The following COL22A1 variants were observed in gnomAD, a reference collection of about 807,000 sequenced individuals.
COL22A1 encodes collagen alpha-1(XXII) chain.
Under a neutral mutation model 248.9 loss-of-function variants are expected in COL22A1, and 221 were observed. That is an observed-to-expected ratio of 0.89 (90% CI 0.80 to 0.99). The LOEUF is 0.99. Among genes scored for constraint, COL22A1 ranks in the 50% least tolerant of loss-of-function variants. The pLI, the probability that COL22A1 is intolerant of heterozygous loss-of-function variation, is 0.00. For missense variants in COL22A1, 2,240 were observed against 2,179.0 expected, an observed-to-expected ratio of 1.03 and a Z score of -0.56; for synonymous variants, 891 against 793.4, an observed-to-expected ratio of 1.12 and a Z score of -2.07.
At chr8:138,817,591 C>T (rs1431837599) in intron 7 of COL22A1, among the ~76,000 whole-genome samples, 5 of 152,102 alleles carry the variant, frequency 3.3e-5, no homozygotes, top group Non-Finnish European at 5.9e-5. Flanking sequence ...GGGATGTGTC[C>T]AGAAGGAAAC....
At chr8:138,700,760 G>T (rs1028758312) in intron 31 of COL22A1, among the ~76,000 whole-genome samples, 1 of 152,096 alleles carries the variant, frequency 6.6e-6, no homozygotes, top group South Asian at 2.1e-4. Context: ...CAAGGCGGGC[G>T]GATCACGAGG....
intron 12 of COL22A1, among the ~76,000 whole-genome samples, chr8:138,792,473 G>A (rs1816148868): frequency 6.6e-6 from 1 of 152,210 alleles, no homozygotes; most frequent in Non-Finnish European, 1.5e-5. Flanking sequence ...TCCTTTCATG[G>A]TAGCAACATG....
rs546066532 is a variant in COL22A1 at position 138,744,040 on chromosome 8, G to C, written c.2086-6463C>G. ...AAACATGATTATTTTCTACTGGTTAGAGCTGAAACCAGGTGCGCAGGGAAA... is the reference window on the plus strand; with the variant it reads ...AAACATGATTATTTTCTACTGGTTACAGCTGAAACCAGGTGCGCAGGGAAA... On this transcript the variant is annotated intron_variant, in intron 22 of 64. Coordinates refer to ENST00000303045, the MANE Select transcript of COL22A1 (RefSeq NM_152888.3). Among the ~76,000 whole-genome samples, 5 of 152,288 alleles carry C rather than the reference G, an allele frequency of 3.3e-5. No individual in the cohort carries two copies. The East Asian group carries it at 7.7e-4, about 24-fold the overall frequency.
At position 138,901,371 on chromosome 8, in the gene COL22A1, T is replaced by TTTTG. The variant is rs1440297593; in HGVS notation, c.-73+12247_-73+12248insCAAA. On this transcript the variant is annotated intron_variant, in intron 1 of 64. Transcript: ENST00000303045. ...CATTACTGGCAGGTTTTTTTTTTGT[T>TTTTG]TTTTTTTTTTTTTGAGACAGTCTCT... 1.5e-3 allele frequency among the ~76,000 whole-genome samples: 203 copies of TTTTG among 135,374 alleles called. 1 individual carries two copies. The highest frequency in any genetic ancestry group is 2.7e-3 in the Non-Finnish European group (167 of 61,448). 88.8% of individuals were successfully genotyped at this position (135,374 alleles called of 152,430 possible). A position where few individuals can be genotyped will look rare whatever the true frequency, so the allele number is the denominator to read the frequency against.
In COL22A1 at chr8:138,589,399, C is replaced by A. The variant is rs759165504; in HGVS notation, c.4735G>T (p.Gly1579Trp). ...EPGYAKDGLPGIPGPQGETGP... is the reference protein window; with the variant it reads ...EPGYAKDGLPWIPGPQGETGP... ...GTCTCCCCTTGAGGGCCAGGGATCC[C>A]AGGAAGTCCATCTTTAGCATAGCCA... Residue 1579 changes from glycine to tryptophan, a missense_variant, in exon 65 of 65, where the codon GGG becomes TGG. Coordinates refer to ENST00000303045, the MANE Select transcript of COL22A1 (RefSeq NM_152888.3). The A allele has an allele frequency of 1.9e-6, 3 of 1,592,516 alleles. No homozygotes were observed. The highest frequency in any genetic ancestry group is 2.6e-6 in the Non-Finnish European group (3 of 1,170,108).
chr8:138,653,656 C>T (rs1485922907), intron 45 of COL22A1, among the ~76,000 whole-genome samples: 2 of 152,200 alleles, frequency 1.3e-5, no homozygotes, highest in African/African-American at 4.8e-5. Context: ...TTAGAACTTA[C>T]TACCCAGTCA....
intron 52 of COL22A1, 86 bp from the exon 53 acceptor site, chr8:138,619,594 A>C (rs912797678): frequency 5.3e-6 from 7 of 1,313,436 alleles, no homozygotes; most frequent in East Asian, 4.6e-5. Context: ...CTACCAATCT[A>C]TTCCCACAAG....
intron 12 of COL22A1, among the ~76,000 whole-genome samples, chr8:138,784,354 G>T (rs1405507949): frequency 6.6e-6 from 1 of 152,164 alleles, no homozygotes; most frequent in African/African-American, 2.4e-5. Context: ...GAAAAGTGGG[G>T]GCCACTGGTT....
At chr8:138,724,734 T>A in intron 24 of COL22A1, 66 bp from the exon 25 acceptor site, 2 of 1,507,976 alleles carry the variant, frequency 1.3e-6, no homozygotes. Flanking sequence ...TGACTCAACC[T>A]CTTTCCTGGC....
intron 12 of COL22A1, among the ~76,000 whole-genome samples, chr8:138,781,937 T>C (rs2131534096): frequency 6.6e-6 from 1 of 152,332 alleles, no homozygotes; most frequent in African/African-American, 2.4e-5. Context: ...TATAAAACAC[T>C]ATGTGCCAAA....
Position 138,812,987 on chromosome 8 carries a change from G to C in COL22A1, c.1278C>G (p.Asp426Glu). 1 of 1,614,008 alleles carries C rather than the reference G, an allele frequency of 6.2e-7. No homozygotes were observed. The highest frequency in any genetic ancestry group is 8.5e-7 in the Non-Finnish European group (1 of 1,179,924). Residue 426 changes from aspartate to glutamate, a missense_variant, in exon 8 of 65, where the codon GAC becomes GAG. Coordinates refer to ENST00000303045, the MANE Select transcript of COL22A1 (RefSeq NM_152888.3). ...FDLQRIVIYC[D>E]SRHAELETCC... ...AAGTCTCCAATTCTGCGTGTCTCGA[G>C]TCACAATAGATCACAATCCGCTGTA...
At chr8:138,624,667 T>G (rs1820096969) in intron 51 of COL22A1, among the ~76,000 whole-genome samples, 1 of 152,226 alleles carries the variant, frequency 6.6e-6, no homozygotes, top group African/African-American at 2.4e-5. Context: ...TCCTAACTGC[T>G]ATGATATCCT....
At chr8:138,719,300 G>T (rs1468758326) in intron 27 of COL22A1, among the ~76,000 whole-genome samples, 1 of 151,988 alleles carries the variant, frequency 6.6e-6, no homozygotes, top group African/African-American at 2.4e-5. Context: ...CAATGTCATG[G>T]GGATCGGTGT....
intron 60 of COL22A1, among the ~76,000 whole-genome samples, chr8:138,601,227 C>A (rs893703892): frequency 2.0e-5 from 3 of 151,928 alleles, no homozygotes; most frequent in Non-Finnish European, 4.4e-5. Flanking sequence ...CTGGCTCCAT[C>A]GCTCAGGAAC....
chr8:138,668,766 T>C (rs1038007201), intron 41 of COL22A1, among the ~76,000 whole-genome samples: 2 of 152,242 alleles, frequency 1.3e-5, no homozygotes, highest in East Asian at 1.9e-4. Flanking sequence ...AGCCCACTTA[T>C]GTGAAGCACT....
chr8:138,601,725 G>A (rs1278335076), intron 60 of COL22A1, among the ~76,000 whole-genome samples: 10 of 152,116 alleles, frequency 6.6e-5, no homozygotes, highest in African/African-American at 2.2e-4. Flanking sequence ...CACCTCCAGC[G>A]ACAAATTTGG....
chr8:138,772,329 G>A lies in COL22A1; in HGVS notation c.1803+3637C>T, dbSNP rs183272665. ...GTTAAAAATCCAAGAGTCTACATAT[G>A]TGTGTGGGGGTGGGTGGCTGAAAGG... On this transcript the variant is annotated intron_variant, in intron 16 of 64. Coordinates refer to ENST00000303045, the MANE Select transcript of COL22A1 (RefSeq NM_152888.3). Among the ~76,000 whole-genome samples the A allele has an allele frequency of 2.9e-4, 44 of 152,318 alleles. No individual in the cohort carries two copies. In the East Asian group the frequency reaches 7.9e-3, roughly 27 times the overall value.
At chr8:138,617,688 G>A (rs754119427) in intron 53 of COL22A1, among the ~76,000 whole-genome samples, 9 of 152,190 alleles carry the variant, frequency 5.9e-5, no homozygotes, top group Non-Finnish European at 1.3e-4. Context: ...TTAATCTGTG[G>A]AAAGGATTGC....
At chr8:138,841,646 G>A (rs1344205061) in intron 4 of COL22A1, among the ~76,000 whole-genome samples, 1 of 152,172 alleles carries the variant, frequency 6.6e-6, no homozygotes, top group East Asian at 1.9e-4. Context: ...GATTCTAGGA[G>A]CCAAGGAATC....
Sources: gnomAD v4.1 joint callset for allele counts (sites outside exome capture counted in the v4.1 genomes callset) on GRCh38, gnomAD v4.1.1 for gene constraint, MANE v1.5 for transcripts, NCBI Gene and HGNC (gene_info 2026-07-23, HGNC 2026-07-21) for gene names.